Variants in POM121C observed in about 807,000 individuals in gnomAD.
POM121C encodes the protein POM121 transmembrane nucleoporin C.
POM121C carries 20 observed loss-of-function variants against 66.4 expected under a neutral mutation model. The observed-to-expected ratio is 0.30, with a 90% CI of 0.21 to 0.44. The LOEUF (loss-of-function observed/expected upper bound fraction) is 0.44. POM121C is among the 20% of genes least tolerant of loss of function. The pLI is 1.00. For synonymous variants in POM121C, 286 were observed against 528.0 expected, an observed-to-expected ratio of 0.54 and a Z score of 6.28; for missense variants, 580 against 1,225.7, an observed-to-expected ratio of 0.47 and a Z score of 7.87.
chr7:75,419,288 C>G (rs367967470), intron 14 of POM121C, 32 bp downstream of exon 14: 15 of 1,593,326 alleles, frequency 9.4e-6, no homozygotes, highest in Non-Finnish European at 3.4e-6. Context: ...CTCAGACAGA[C>G]GAGCAGGGCC....
rs191428510 is a variant in POM121C at position 75,435,355 on chromosome 7, C to T, written c.480+2160G>A. Among the ~76,000 whole-genome samples, 588 of 151,722 alleles carry T rather than the reference C, an allele frequency of 3.9e-3. 4 individuals carry two copies. The highest frequency in any genetic ancestry group is 0.014 in the African/African-American group (561 of 41,312). ...GTTTTCAGATACACTGATACGCATA[C>T]CGTTTAAAAAAGAACAACAAAGGAT... On this transcript the variant is annotated intron_variant, in intron 7 of 14. Coordinates refer to ENST00000615331, the MANE Select transcript of POM121C (RefSeq NM_001099415.3).
intron 4 of POM121C, among the ~76,000 whole-genome samples, 156 bp downstream of exon 4, chr7:75,441,276 A>C (rs1790637218): frequency 6.6e-6 from 1 of 152,132 alleles, no homozygotes; most frequent in Admixed American, 6.6e-5. Flanking sequence ...GCAAAAAGTG[A>C]AAAACAAACG....
At chr7:75,452,550 G>T (rs1156484064) in intron 3 of POM121C, among the ~76,000 whole-genome samples, 1 of 152,170 alleles carries the variant, frequency 6.6e-6, no homozygotes, top group East Asian at 1.9e-4. Context: ...AGGCACTGAT[G>T]ACGTATTCAT....
At chr7:75,423,780 G>A (rs1789819863) in intron 12 of POM121C, among the ~76,000 whole-genome samples, 1 of 151,632 alleles carries the variant, frequency 6.6e-6, no homozygotes, top group Non-Finnish European at 1.5e-5. Context: ...GCTGCACCGG[G>A]AAGATCATTC....
chr7:75,421,842 C>T lies in POM121C; in HGVS notation c.2410G>A (p.Gly804Ser), dbSNP rs587615322. The T allele has an allele frequency of 1.4e-5, 22 of 1,610,256 alleles. No homozygotes were observed. Among genetic ancestry groups the T allele is most frequent in the East Asian group, 1.1e-4 (5 of 44,876 alleles). The change falls in exon 13 of 15, where the codon GGT (glycine) becomes AGT (serine). Residue 804 changes from glycine (G) to serine (S), a missense_variant. Gly to Ser is a moderately conservative substitution (Grantham distance 56). Transcript: ENST00000615331. Reference protein sequence around the residue: ...FGGSTAVFSFGAATSSGFGAT... With the variant: ...FGGSTAVFSFSAATSSGFGAT... ...CCAAAGCCGGAGCTGGTGGCTGCAC[C>T]GAAGGAGAAGACAGCAGTGGAGCCG...
In POM121C at chr7:75,418,194, C is replaced by A. The variant is rs1789550350; in HGVS notation, c.*602G>T. The A allele has an allele frequency of 1.0e-6, 1 of 982,536 alleles. No individual in the cohort carries two copies. Among genetic ancestry groups the A allele is most frequent in the Admixed American group, 6.2e-5 (1 of 16,204 alleles). The allele number at this position is 982,536 out of a possible 1,614,324, so 60.9% of individuals were successfully genotyped here. ...CTTGGCAGGAAGAAAACGGCAGGAG[C>A]AGCACCCACTGGGGTCTCCAAGGCA... On this transcript the variant is annotated 3_prime_UTR_variant, in exon 15 of 15. Coordinates refer to ENST00000615331, the MANE Select transcript of POM121C (RefSeq NM_001099415.3).
intron 1 of POM121C, among the ~76,000 whole-genome samples, chr7:75,484,764 A>G (rs2116565176): frequency 6.6e-6 from 1 of 152,248 alleles, no homozygotes. Flanking sequence ...CATGGGTAAC[A>G]TGACTCCTTT....
intron 1 of POM121C, among the ~76,000 whole-genome samples, chr7:75,482,905 CT>C (rs1792363525): frequency 6.6e-6 from 1 of 152,152 alleles, no homozygotes; most frequent in Non-Finnish European, 1.5e-5. Flanking sequence ...CACTGGTCAC[CT>C]TTACTGACTG....
At chr7:75,471,272 G>C (rs1269584277) in intron 3 of POM121C, among the ~76,000 whole-genome samples, 5 of 152,038 alleles carry the variant, frequency 3.3e-5, no homozygotes, top group Non-Finnish European at 7.4e-5. Context: ...ATAGTGGCGC[G>C]ATCTCAGCTC....
chr7:75,471,722 T>A (rs1256372049), intron 3 of POM121C, among the ~76,000 whole-genome samples: 1 of 152,038 alleles, frequency 6.6e-6, no homozygotes, highest in Admixed American at 6.6e-5. Context: ...AAGCACGACC[T>A]GCCAGAGCGC....
At chr7:75,463,619 C>CT (rs1239578205) in intron 3 of POM121C, among the ~76,000 whole-genome samples, 15 of 151,832 alleles carry the variant, frequency 9.9e-5, no homozygotes, top group African/African-American at 3.4e-4. Flanking sequence ...AGCTACAGCC[C>CT]ACAGCAAAAG....
rs1460158785 is a variant in POM121C at position 75,441,948 on chromosome 7, G to A, written c.-151-301C>T. ...TTTTAGAACTGGAAAGAAGGGAATC[G>A]TTTTGGCAACACATCTCACACCAAG... On this transcript the variant is annotated intron_variant, in intron 3 of 14. Transcript: ENST00000615331. Among the ~76,000 whole-genome samples, 11 of 100,486 alleles carry A rather than the reference G, an allele frequency of 1.1e-4. No individual in the cohort carries two copies. In the East Asian group the frequency reaches 3.2e-3, roughly 29 times the overall value. 65.9% of individuals were successfully genotyped at this position (100,486 alleles called of 152,430 possible).
chr7:75,447,850 C>T (rs1281779619), intron 3 of POM121C, among the ~76,000 whole-genome samples: 6 of 151,952 alleles, frequency 3.9e-5, no homozygotes, highest in African/African-American at 1.4e-4. Context: ...GGTGAAACCC[C>T]GTCTCTACTA....
intron 3 of POM121C, among the ~76,000 whole-genome samples, chr7:75,467,383 T>C (rs1351291363): frequency 1.5e-4 from 22 of 151,658 alleles, no homozygotes; most frequent in Admixed American, 1.4e-3. Context: ...TACAAAAAAA[T>C]TAGCCGGGTG....
intron 7 of POM121C, among the ~76,000 whole-genome samples, chr7:75,427,668 CTAAT>C (rs2116351566): frequency 6.6e-6 from 1 of 151,964 alleles, no homozygotes; most frequent in East Asian, 1.9e-4. Context: ...AGTGCTGAGC[CTAAT>C]TACAAAGCCA....
rs1172759869 is a variant in POM121C, at chr7:75,424,195, G to T, written c.902C>A (p.Pro301Gln). ...GGTAAATGAAGGCTGAGTGGTAGGT[G>T]GGGTCTCAGTGACAGAGTTCGAGGC... The part of the protein sequence containing the change: ...DAASNSVTET[P>Q]PTTQPSFTFT... Residue 301 changes from proline to glutamine, a missense_variant, in exon 12 of 15, where the codon CCA (proline) becomes CAA (glutamine). By Grantham distance (76) the Pro-to-Gln change is moderately conservative (BLOSUM62 -1). Coordinates refer to ENST00000615331, the MANE Select transcript of POM121C (RefSeq NM_001099415.3). The T allele has an allele frequency of 6.2e-7, 1 of 1,611,910 alleles. No individual in the cohort carries two copies. Among genetic ancestry groups the T allele is most frequent in the Non-Finnish European group, 8.5e-7 (1 of 1,179,874 alleles).
chr7:75,434,260 GA>G (rs1554472748), intron 7 of POM121C, among the ~76,000 whole-genome samples: 1 of 151,850 alleles, frequency 6.6e-6, no homozygotes, highest in East Asian at 1.9e-4. Context: ...CTACTCATAA[GA>G]GACAAAAATT....
intron 1 of POM121C, among the ~76,000 whole-genome samples, chr7:75,483,582 C>T (rs1477048131): frequency 1.3e-5 from 2 of 152,118 alleles, no homozygotes; most frequent in African/African-American, 4.8e-5. Context: ...TTATAAATTA[C>T]CCAGTCTTGG....
At chr7:75,483,414 A>T (rs587774047) in intron 1 of POM121C, among the ~76,000 whole-genome samples, 20 of 152,220 alleles carry the variant, frequency 1.3e-4, no homozygotes, top group African/African-American at 4.1e-4. Context: ...CTCATGTTCA[A>T]TTGTAATCCC....
Sources: gnomAD v4.1 joint callset for allele counts (sites outside exome capture counted in the v4.1 genomes callset) on GRCh38, gnomAD v4.1.1 for gene constraint, MANE v1.5 for transcripts, NCBI Gene and HGNC (gene_info 2026-07-23, HGNC 2026-07-21) for gene names.